Variants in SAMMSON observed in about 807,000 individuals in gnomAD.
SAMMSON encodes the protein long intergenic non-protein coding RNA 1212.
rs569868760 is a variant in SAMMSON, at chr3:70,416,139, C to T, written n.234-46421C>T. On this transcript the variant is annotated intron_variant and non_coding_transcript_variant, in intron 2 of 3. Coordinates refer to the SAMMSON transcript ENST00000641053. ...ATCATAAAATTAATTTCATACCTTGCACAGTAATTTCAATGGGAACAATTT... is the reference window on the plus strand; with the variant it reads ...ATCATAAAATTAATTTCATACCTTGTACAGTAATTTCAATGGGAACAATTT... 5.3e-5 allele frequency among the ~76,000 whole-genome samples: 8 copies of T among 152,262 alleles called. No individual in the cohort carries two copies. In the East Asian group the frequency reaches 1.5e-3, roughly 29 times the overall value.
chr3:70,312,452 T>G (rs573178728), intron 7 of SAMMSON: 6 of 152,290 alleles, frequency 3.9e-5, no homozygotes, highest in African/African-American at 1.4e-4. Context: ...TCCCTGAAGG[T>G]GTTGACGAGA....
intron 9 of SAMMSON, among the ~76,000 whole-genome samples, chr3:70,364,255 AG>A (rs1392000626): frequency 1.3e-5 from 2 of 151,922 alleles, no homozygotes; most frequent in South Asian, 2.1e-4. Context: ...TCATCAATAA[AG>A]GTTCATGGGA....
At chr3:70,348,908 G>A (rs1428497301) in intron 7 of SAMMSON, among the ~76,000 whole-genome samples, 1 of 152,080 alleles carries the variant, frequency 6.6e-6, no homozygotes, top group African/African-American at 2.4e-5. Flanking sequence ...TATGAAGAGA[G>A]ACAATCAATC....
chr3:70,341,681 T>C (rs1371625160), intron 7 of SAMMSON, among the ~76,000 whole-genome samples: 2 of 152,150 alleles, frequency 1.3e-5, no homozygotes, highest in Non-Finnish European at 2.9e-5. Flanking sequence ...ATAAATGTGA[T>C]GCCTGGAGGT....
chr3:70,092,652 A>G (rs573311317), intron 4 of SAMMSON, among the ~76,000 whole-genome samples: 3 of 152,144 alleles, frequency 2.0e-5, no homozygotes, highest in East Asian at 3.9e-4. Context: ...CTCGTTCTGT[A>G]TTCTGTTCAA....
intron 2 of SAMMSON, among the ~76,000 whole-genome samples, chr3:70,428,922 AG>A (rs1352127228): frequency 6.6e-6 from 1 of 152,214 alleles, no homozygotes; most frequent in African/African-American, 2.4e-5. Flanking sequence ...TAGGTTAAAA[AG>A]ATCATTGCCC....
intron 3 of SAMMSON, among the ~76,000 whole-genome samples, chr3:70,059,680 A>T (rs73836035): frequency 6.6e-6 from 1 of 152,030 alleles, no homozygotes; most frequent in African/African-American, 2.4e-5. Context: ...TGCTAATCTC[A>T]TCTGGAAACA....
chr3:70,034,266 C>T (rs916318896), intron 3 of SAMMSON, among the ~76,000 whole-genome samples: 6 of 152,078 alleles, frequency 3.9e-5, no homozygotes, highest in Non-Finnish European at 7.4e-5. Context: ...CAAAGTTGCA[C>T]GATATTGCTA....
At chr3:70,433,921 C>A (rs1420771639) in intron 2 of SAMMSON, among the ~76,000 whole-genome samples, 1 of 152,112 alleles carries the variant, frequency 6.6e-6, no homozygotes, top group Non-Finnish European at 1.5e-5. Flanking sequence ...TCATTTAATA[C>A]TTTGTTCCTT....
intron 3 of SAMMSON, among the ~76,000 whole-genome samples, chr3:70,041,198 G>A (rs549004644): frequency 2.0e-5 from 3 of 152,186 alleles, no homozygotes; most frequent in East Asian, 1.9e-4. Context: ...AAAAGTTCCC[G>A]CATTTGTGGA....
chr3:70,282,928 T>C (rs186540497), intron 6 of SAMMSON, among the ~76,000 whole-genome samples: 20 of 152,228 alleles, frequency 1.3e-4, no homozygotes, highest in Admixed American at 6.5e-4. Flanking sequence ...AAAGGGGTAA[T>C]AAAAGATGAC....
At chr3:70,192,690 C>T (rs1035173426) in intron 4 of SAMMSON, among the ~76,000 whole-genome samples, 2 of 152,132 alleles carry the variant, frequency 1.3e-5, no homozygotes, top group African/African-American at 4.8e-5. Context: ...TAAGGAGCAT[C>T]CAGCTACATT....
chr3:70,433,784 T>C (rs929878447), intron 2 of SAMMSON, among the ~76,000 whole-genome samples: 1 of 152,186 alleles, frequency 6.6e-6, no homozygotes, highest in Non-Finnish European at 1.5e-5. Flanking sequence ...GTTTTGCCTG[T>C]AAGTCTTGAG....
chr3:70,116,630 T>C (rs1334536212), intron 4 of SAMMSON, among the ~76,000 whole-genome samples: 2 of 152,126 alleles, frequency 1.3e-5, no homozygotes, highest in Non-Finnish European at 2.9e-5. Flanking sequence ...TGAATACTTA[T>C]TCTGAAAAGA....
intron 4 of SAMMSON, among the ~76,000 whole-genome samples, chr3:70,240,496 A>C (rs1014289376): frequency 7.9e-5 from 12 of 152,156 alleles, no homozygotes; most frequent in Non-Finnish European, 1.6e-4. Flanking sequence ...ACTAAAAAAT[A>C]TGTGTTTCCT....
At chr3:70,362,877 A>G (rs1250913886) in intron 9 of SAMMSON, among the ~76,000 whole-genome samples, 3 of 149,304 alleles carry the variant, frequency 2.0e-5, no homozygotes, top group Non-Finnish European at 3.0e-5. Context: ...AGTGACTCTC[A>G]GAGTATAGAA....
intron 3 of SAMMSON, among the ~76,000 whole-genome samples, chr3:70,058,480 G>GT (rs2067175778): frequency 6.6e-6 from 1 of 151,900 alleles, no homozygotes; most frequent in Non-Finnish European, 1.5e-5. Flanking sequence ...AAAATTTCAG[G>GT]TTTATATACT....
At chr3:70,224,831 C>G (rs561247728) in intron 4 of SAMMSON, among the ~76,000 whole-genome samples, 1 of 152,060 alleles carries the variant, frequency 6.6e-6, no homozygotes, top group Non-Finnish European at 1.5e-5. Flanking sequence ...GTTTCCCCCC[C>G]CACACCTCAC....
chr3:70,389,688 T>C (rs1701027999), exon 10 of SAMMSON: 1 of 151,784 alleles, frequency 6.6e-6, no homozygotes, highest in Non-Finnish European at 1.5e-5. Flanking sequence ...GACTGGTCGT[T>C]TTTTCTGGAT....
Sources: gnomAD v4.1 joint callset for allele counts (sites outside exome capture counted in the v4.1 genomes callset) on GRCh38, gnomAD v4.1.1 for gene constraint, MANE v1.5 for transcripts, NCBI Gene and HGNC (gene_info 2026-07-23, HGNC 2026-07-21) for gene names.